The following GUF1 variants were observed in gnomAD, a reference collection of about 807,000 sequenced individuals.
GUF1 encodes the protein translation factor GUF1, mitochondrial.
In GUF1, 78 loss-of-function variants were observed where a neutral mutation model predicts 82.4. The ratio of observed to expected loss-of-function variants is 0.95; its 90% CI spans 0.79 to 1.14. The LOEUF (loss-of-function observed/expected upper bound fraction) is 1.14. GUF1 is among the 50% of genes most tolerant of loss of function. GUF1 has a pLI of 0.00. For synonymous variants in GUF1, 279 were observed against 282.3 expected (o/e 0.99, Z 0.12); for missense variants, 814 against 798.2 (o/e 1.02, Z -0.24).
chr4:44,678,748 C>T lies in GUF1; in HGVS notation c.126C>T (p.Ser42=), dbSNP rs1470201122. 45 of 1,550,050 alleles carry T rather than the reference C, an allele frequency of 2.9e-5. No individual in the cohort carries two copies. Among genetic ancestry groups the T allele is most frequent in the Non-Finnish European group, 3.9e-5 (45 of 1,155,884 alleles). The part of the protein sequence containing the change: ...SAPTLGAAPE[S]WATDRLYSSA... ...CGACCCTTGGGGCTGCTCCAGAGTC[C>T]TGGGCTACCGACAGGCTCTACAGCT... Residue 42 remains serine, a synonymous_variant, in exon 1 of 17, where the codon TCC becomes TCT. Coordinates refer to ENST00000281543, the MANE Select transcript of GUF1 (RefSeq NM_021927.3).
At chr4:44,678,809 AT>A in intron 1 of GUF1, 22 bp downstream of exon 1, 1 of 1,542,694 alleles carries the variant, frequency 6.5e-7, no homozygotes, top group Non-Finnish European at 8.7e-7. Context: ...CTGGAATCTG[AT>A]TTAGCCAAGT....
intron 4 of GUF1, among the ~76,000 whole-genome samples, chr4:44,681,976 T>C (rs779476396): frequency 6.6e-6 from 1 of 152,098 alleles, no homozygotes; most frequent in Non-Finnish European, 1.5e-5. Context: ...AATAAATGCT[T>C]TCTGAACTGA....
chr4:44,696,835 A>G (rs566694940), intron 15 of GUF1, among the ~76,000 whole-genome samples: 2 of 152,338 alleles, frequency 1.3e-5, no homozygotes, highest in East Asian at 3.9e-4. Context: ...GTGTGTTGAG[A>G]TAATACCTTA....
rs138459415 is a variant in GUF1 at position 44,689,376 on chromosome 4, G to A, written c.1169G>A (p.Arg390Gln). The A allele has an allele frequency of 1.8e-4, 287 of 1,608,512 alleles. 2 individuals are homozygous for A. Among genetic ancestry groups the A allele is most frequent in the African/African-American group, 1.7e-4 (13 of 74,368 alleles). ...AATGATTCCAGTGTGACCGTTCATC[G>A]GGATAGTAGCCTTGCTCTGGGTGCT... ...TLNDSSVTVH[R>Q]DSSLALGAGW... The change falls in exon 10 of 17, where the codon CGG becomes CAG. Residue 390 changes from arginine to glutamine, a missense_variant. Transcript: ENST00000281543.
At chr4:44,683,365 TA>T in intron 6 of GUF1, 47 bp downstream of exon 6, 3 of 1,084,090 alleles carry the variant, frequency 2.8e-6, no homozygotes, top group Non-Finnish European at 4.0e-6. Context: ...AAGTCTCAAG[TA>T]ATTGGGCTAA....
At chr4:44,695,051 G>A (rs530394315) in intron 14 of GUF1, among the ~76,000 whole-genome samples, 2 of 152,142 alleles carry the variant, frequency 1.3e-5, no homozygotes, top group South Asian at 2.1e-4. Flanking sequence ...TGATCTGCCC[G>A]CCTCGGCCTC....
rs755190287 is a variant in GUF1, at chr4:44,686,685, A to T, written c.910A>T (p.Asn304Tyr). ...TYEVNEVGVLNPNEQPTHKLY... is the reference protein window; with the variant it reads ...TYEVNEVGVLYPNEQPTHKLY... ...CGAAGTTAATGAAGTAGGAGTCTTG[A>T]ATCCTAATGAGCAGCCAACTCATAA... Residue 304 changes from asparagine (N) to tyrosine (Y), a missense_variant, in exon 8 of 17, where the codon AAT (asparagine) becomes TAT (tyrosine). Physicochemically the swap from Asn to Tyr is moderately radical, Grantham distance 143 (BLOSUM62 -2). Coordinates refer to ENST00000281543, the MANE Select transcript of GUF1 (RefSeq NM_021927.3). 1 of 1,610,570 alleles carries T rather than the reference A, an allele frequency of 6.2e-7. No homozygotes were observed. The highest frequency in any genetic ancestry group is 1.7e-5 in the Admixed American group (1 of 59,946).
At chr4:44,694,278 A>C (rs1441478375) in intron 13 of GUF1, 134 bp from the exon 14 acceptor site, 1 of 646,300 alleles carries the variant, frequency 1.5e-6, no homozygotes, top group South Asian at 1.8e-5. Context: ...CTGTATATGT[A>C]ATATTTTGAT....
In GUF1 at chr4:44,678,749, T is replaced by A; in HGVS notation, c.127T>A (p.Trp43Arg). 1 of 1,550,456 alleles carries A rather than the reference T, an allele frequency of 6.4e-7. No homozygotes were observed. The highest frequency in any genetic ancestry group is 2.6e-5 in the East Asian group (1 of 39,028). The change falls in exon 1 of 17, where the codon TGG becomes AGG. Residue 43 changes from tryptophan (W) to arginine (R), a missense_variant. Trp to Arg is a moderately radical substitution (Grantham distance 101). Transcript: ENST00000281543. ...GACCCTTGGGGCTGCTCCAGAGTCC[T>A]GGGCTACCGACAGGCTCTACAGCTC... ...APTLGAAPES[W>R]ATDRLYSSAE...
chr4:44,691,771 T>C lies in GUF1; in HGVS notation c.1585T>C (p.Leu529=), dbSNP rs920757124. 2 of 1,596,078 alleles carry C rather than the reference T, an allele frequency of 1.3e-6. No homozygotes were observed. The highest frequency in any genetic ancestry group is 1.1e-5 in the South Asian group (1 of 88,784). The change falls in exon 13 of 17, where the codon TTG becomes CTG. Residue 529 remains leucine (L), a synonymous_variant. Transcript: ENST00000281543. ...AATTGTGGTAGATTTTTATGACTCT[T>C]TGAAATCCCTATCTTCTGGATATGC... is the stretch of plus-strand genomic sequence containing the variant. ...NEIVVDFYDS[L]KSLSSGYASF... is the part of the protein sequence containing the mutation.
In GUF1 at chr4:44,698,830, A is replaced by G. The variant is rs1716026536; in HGVS notation, c.*149A>G. On this transcript the variant is annotated 3_prime_UTR_variant, in exon 17 of 17. Transcript: ENST00000281543. ...AAAGGGAGTAGTTAGTGGGTAGGCA[A>G]GAGCTTAGATTTTGAAGCCATGTTG... is the stretch of plus-strand genomic sequence containing the variant. The G allele has an allele frequency of 1.5e-6, 1 of 656,318 alleles. No individual in the cohort carries two copies. The highest frequency in any genetic ancestry group is 3.2e-5 in the Admixed American group (1 of 31,108). 40.7% of individuals were successfully genotyped at this position (656,318 alleles called of 1,614,324 possible).
Position 44,691,653 on chromosome 4 carries a change from C to G in GUF1, c.1480-13C>G. 6.3e-7 allele frequency: 1 copy of G among 1,580,806 alleles called. No homozygotes were observed. Among genetic ancestry groups the G allele is most frequent in the Non-Finnish European group, 8.6e-7 (1 of 1,160,688 alleles). The stretch of plus-strand genomic sequence containing the variant: ...GGTTATCATTAAACCCATTTTCTTC[C>G]TTCCCTTTTTAGGCTCGAAGAGCAG... On this transcript the variant is annotated splice_polypyrimidine_tract_variant and intron_variant, in intron 12 of 16. Coordinates refer to ENST00000281543, the MANE Select transcript of GUF1 (RefSeq NM_021927.3).
Position 44,698,742 on chromosome 4 carries a change from T to C in GUF1, c.*61T>C. The C allele has an allele frequency of 1.4e-6, 2 of 1,461,816 alleles. No individual in the cohort carries two copies. Among genetic ancestry groups the C allele is most frequent in the South Asian group, 2.6e-5 (2 of 75,964 alleles). The allele number at this position is 1,461,816 out of a possible 1,614,324, so 90.6% of individuals were successfully genotyped here. ...TAATATGCTGACAACAGAAAGAAAA[T>C]TATAAAATTTGCTTGTTACTTTCAG... is the stretch of plus-strand genomic sequence containing the variant. On this transcript the variant is annotated 3_prime_UTR_variant, in exon 17 of 17. Coordinates refer to ENST00000281543, the MANE Select transcript of GUF1 (RefSeq NM_021927.3).
In GUF1 at chr4:44,689,339, A is replaced by T; in HGVS notation, c.1132A>T (p.Lys378Ter). Residue 378 changes from lysine (K) to a stop codon, truncating the protein, a stop_gained, in exon 10 of 17, where the codon AAA becomes TAA. Transcript: ENST00000281543. LOFTEE classifies it high-confidence loss of function. ...EYNNLKSAIE[K>*]LTLNDSSVTV... Reference sequence around the variant, plus strand: ...TAACAATCTGAAGAGTGCTATAGAAAAACTGACTTTAAATGATTCCAGTGT... The same window carrying T: ...TAACAATCTGAAGAGTGCTATAGAATAACTGACTTTAAATGATTCCAGTGT... 1 of 1,610,852 alleles carries T rather than the reference A, an allele frequency of 6.2e-7. No individual in the cohort carries two copies. Among genetic ancestry groups the T allele is most frequent in the Non-Finnish European group, 8.5e-7 (1 of 1,177,826 alleles).
chr4:44,697,545 C>A (rs1715913060), intron 16 of GUF1, 101 bp downstream of exon 16: 4 of 577,242 alleles, frequency 6.9e-6, no homozygotes, highest in Non-Finnish European at 1.2e-5. Context: ...TTTATACATT[C>A]TTTGTTTCCA....
Position 44,686,695 on chromosome 4 carries a change from A to T in GUF1, c.920A>T (p.Glu307Val). 6.2e-7 allele frequency: 1 copy of T among 1,605,188 alleles called. No individual in the cohort carries two copies. Among genetic ancestry groups the T allele is most frequent in the Non-Finnish European group, 8.5e-7 (1 of 1,172,378 alleles). Residue 307 changes from glutamate to valine, a missense_variant, in exon 8 of 17, where the codon GAG becomes GTG. Coordinates refer to ENST00000281543, the MANE Select transcript of GUF1 (RefSeq NM_021927.3). ...VNEVGVLNPN[E>V]QPTHKLYAGQ... Reference sequence around the variant, plus strand: ...GAAGTAGGAGTCTTGAATCCTAATGAGCAGCCAACTCATAAATTGTAAGTA... The same window carrying T: ...GAAGTAGGAGTCTTGAATCCTAATGTGCAGCCAACTCATAAATTGTAAGTA...
At position 44,686,003 on chromosome 4, in the gene GUF1, A is replaced by T; in HGVS notation, c.714A>T (p.Ala238=). The change falls in exon 7 of 17, where the codon GCA becomes GCT. Residue 238 remains alanine (A), a synonymous_variant. Transcript: ENST00000281543. ...CAAATGTTGAGAGTGTTCTTCAGGC[A>T]ATTATTGAAAGAATCCCCCCGTGAG... ...LGTNVESVLQ[A]IIERIPPPKV... The T allele has an allele frequency of 6.2e-7, 1 of 1,606,178 alleles. No individual in the cohort carries two copies. Among genetic ancestry groups the T allele is most frequent in the East Asian group, 2.2e-5 (1 of 44,656 alleles).
intron 13 of GUF1, among the ~76,000 whole-genome samples, chr4:44,693,093 A>G (rs1299360798): frequency 1.3e-5 from 2 of 152,022 alleles, no homozygotes; most frequent in East Asian, 1.9e-4. Context: ...GATGTTTTAC[A>G]TAGGCAGTCA....
intron 14 of GUF1, among the ~76,000 whole-genome samples, chr4:44,695,324 C>G (rs1715736488): frequency 6.6e-6 from 1 of 152,278 alleles, no homozygotes; most frequent in South Asian, 2.1e-4. Flanking sequence ...AGAAAGATAA[C>G]TGTTTAAAAT....
Sources: allele counts gnomAD v4.1 joint callset (sites outside exome capture counted in the v4.1 genomes callset), GRCh38; gene constraint gnomAD v4.1.1; transcripts MANE v1.5; gene names NCBI Gene and HGNC (gene_info 2026-07-23, HGNC 2026-07-21).